The following ATP10B variants were observed in gnomAD, a reference collection of about 807,000 sequenced individuals.
ATP10B encodes phospholipid-transporting ATPase VB.
ATP10B carries 122 observed loss-of-function variants against 141.2 expected under a neutral mutation model. The observed-to-expected ratio is 0.86, with a 90% CI of 0.75 to 1.00. ATP10B has a LOEUF of 1.00. ATP10B is among the 50% of genes least tolerant of loss of function. The probability of loss-of-function intolerance (pLI) is 0.00; values close to 1 mark genes in which losing one functional copy is unlikely to be tolerated. For missense variants in ATP10B, 1,876 were observed against 1,825.3 expected, an observed-to-expected ratio of 1.03 and a Z score of -0.51; for synonymous variants, 685 against 692.0, an observed-to-expected ratio of 0.99 and a Z score of 0.16.
chr5:160,582,713 C>T (rs1755633871), intron 24 of ATP10B, among the ~76,000 whole-genome samples: 1 of 152,198 alleles, frequency 6.6e-6, no homozygotes, highest in East Asian at 1.9e-4. Context: ...CTTTCAGGTA[C>T]ACCAATCAAA....
At chr5:160,772,982 T>G (rs1442097172) in intron 2 of ATP10B, among the ~76,000 whole-genome samples, 4 of 152,186 alleles carry the variant, frequency 2.6e-5, no homozygotes, top group African/African-American at 9.7e-5. Context: ...ACGAAAACTA[T>G]TCTGCTAATT....
intron 6 of ATP10B, among the ~76,000 whole-genome samples, chr5:160,678,054 T>C (rs1763143789): frequency 1.3e-5 from 2 of 152,184 alleles, no homozygotes; most frequent in Non-Finnish European, 2.9e-5. Flanking sequence ...TGTGGGTATG[T>C]TCAAGTGTGC....
chr5:160,742,297 G>A (rs1767532106), intron 2 of ATP10B, among the ~76,000 whole-genome samples: 1 of 151,958 alleles, frequency 6.6e-6, no homozygotes. Flanking sequence ...GCATGCTAAT[G>A]ACATCCCCCC....
In ATP10B at chr5:160,565,528, T is replaced by C. The variant is rs1754478504; in HGVS notation, c.4311A>G (p.Ser1437=). 2 of 1,613,774 alleles carry C rather than the reference T, an allele frequency of 1.2e-6. No homozygotes were observed. The highest frequency in any genetic ancestry group is 2.7e-5 in the African/African-American group (2 of 74,908). ...LLGPNRIMAY[S]RGQTDMCRCS... is the part of the protein sequence containing the mutation. ...ACCGGCACATATCAGTCTGTCCTCT[T>C]GAGTAGGCCATTATCCTGTTAGGTC... The change falls in exon 26 of 26, where the codon TCA becomes TCG. Residue 1437 remains serine (S), a synonymous_variant. Transcript: ENST00000327245.
rs1027316587 is a variant in ATP10B, at chr5:160,686,940, T to G, written c.276-667A>C. 5 of 985,230 alleles carry G rather than the reference T, an allele frequency of 5.1e-6. No individual in the cohort carries two copies. In the African/African-American group the frequency reaches 8.7e-5, roughly 17 times the overall value. 61.0% of individuals were successfully genotyped at this position (985,230 alleles called of 1,614,324 possible). The stretch of plus-strand genomic sequence containing the variant: ...ATTTAAAATGATCTCATACATTATC[T>G]CAAAAGAGTTGCTGATGTTTTCAAG... On this transcript the variant is annotated intron_variant, in intron 5 of 25. Transcript: ENST00000327245.
chr5:160,700,572 A>G lies in ATP10B; in HGVS notation c.-204-11629T>C, dbSNP rs554166121. ...TTGCTAAGTAGCTGCTTCTTTTTTCAGAAATGGAGAACTTTTCATTCCTCT... is the reference window on the plus strand; with the variant it reads ...TTGCTAAGTAGCTGCTTCTTTTTTCGGAAATGGAGAACTTTTCATTCCTCT... On this transcript the variant is annotated intron_variant, in intron 3 of 25. Coordinates refer to ENST00000327245, the MANE Select transcript of ATP10B (RefSeq NM_025153.3). Among the ~76,000 whole-genome samples the G allele has an allele frequency of 2.6e-5, 4 of 152,292 alleles. No homozygotes were observed. The South Asian group carries it at 8.3e-4, about 32-fold the overall frequency.
chr5:160,927,429 C>T, the ATP10B span, among the ~76,000 whole-genome samples: 1 of 152,276 alleles, frequency 6.6e-6, no homozygotes, highest in African/African-American at 2.4e-5. Flanking sequence ...CCATACCTTG[C>T]TGTTTCTTAG....
At chr5:160,809,325 G>GT (rs1335676824) in intron 1 of ATP10B, among the ~76,000 whole-genome samples, 1 of 151,994 alleles carries the variant, frequency 6.6e-6, no homozygotes, top group Non-Finnish European at 1.5e-5. Flanking sequence ...TAAACTGATG[G>GT]TTTTTGTTAT....
intron 2 of ATP10B, among the ~76,000 whole-genome samples, chr5:160,755,188 C>T (rs376671362): frequency 7.7e-4 from 117 of 152,276 alleles, no homozygotes; most frequent in African/African-American, 2.2e-3. Context: ...ACCTTCTTCA[C>T]ATGGTGGCAG....
intron 10 of ATP10B, among the ~76,000 whole-genome samples, chr5:160,639,387 C>T (rs890795527): frequency 6.6e-6 from 1 of 152,228 alleles, no homozygotes; most frequent in South Asian, 2.1e-4. Flanking sequence ...GGTCATAGAT[C>T]TTGAGATGGG....
intron 24 of ATP10B, among the ~76,000 whole-genome samples, chr5:160,575,319 T>C (rs745879826): frequency 4.6e-5 from 7 of 152,200 alleles, no homozygotes; most frequent in Non-Finnish European, 8.8e-5. Flanking sequence ...TTACATTTAG[T>C]TTTCATGTCT....
intron 1 of ATP10B, among the ~76,000 whole-genome samples, chr5:160,821,075 C>T (rs571821121): frequency 2.6e-5 from 4 of 152,198 alleles, no homozygotes; most frequent in Admixed American, 6.6e-5. Flanking sequence ...GTCAAATTAT[C>T]TTTGTTTGCA....
intron 1 of ATP10B, among the ~76,000 whole-genome samples, chr5:160,821,019 C>A (rs1169450165): frequency 6.6e-6 from 1 of 151,836 alleles, no homozygotes; most frequent in East Asian, 1.9e-4. Context: ...CTAGAGCAAT[C>A]AGACAAGGGA....
intron 16 of ATP10B, 76 bp from the exon 17 acceptor site, chr5:160,616,040 G>T: frequency 6.6e-7 from 1 of 1,526,022 alleles, no homozygotes; most frequent in Non-Finnish European, 8.9e-7. Context: ...CCCACCTGCT[G>T]GGTCTCCTAT....
chr5:160,720,905 G>A (rs1219165663), intron 2 of ATP10B, among the ~76,000 whole-genome samples: 1 of 152,174 alleles, frequency 6.6e-6, no homozygotes, highest in Non-Finnish European at 1.5e-5. Context: ...TAAGCCGATT[G>A]CTTTTTCTTA....
intron 1 of ATP10B, among the ~76,000 whole-genome samples, chr5:160,787,597 GAATT>G (rs769658002): frequency 1.0e-3 from 155 of 152,164 alleles, no homozygotes; most frequent in African/African-American, 2.8e-3. Flanking sequence ...TAGAAAATAG[GAATT>G]ATTTATTTAA....
At chr5:160,821,669 A>G (rs1290655535) in intron 1 of ATP10B, among the ~76,000 whole-genome samples, 1 of 152,130 alleles carries the variant, frequency 6.6e-6, no homozygotes, top group Non-Finnish European at 1.5e-5. Context: ...CACATAGATC[A>G]GCAGAGCAGA....
chr5:160,839,514 A>G (rs1038055255), intron 1 of ATP10B, among the ~76,000 whole-genome samples: 4 of 152,196 alleles, frequency 2.6e-5, no homozygotes, highest in Admixed American at 2.0e-4. Flanking sequence ...CACCAAAACA[A>G]AAGCACAAAA....
At chr5:160,910,842 C>T in the ATP10B span, among the ~76,000 whole-genome samples, 1 of 152,142 alleles carries the variant, frequency 6.6e-6, no homozygotes, top group Non-Finnish European at 1.5e-5. Flanking sequence ...TATGGCCCCA[C>T]CAAGTTTCAT....
Sources: allele counts gnomAD v4.1 joint callset (sites outside exome capture counted in the v4.1 genomes callset), GRCh38; gene constraint gnomAD v4.1.1; transcripts MANE v1.5; gene names NCBI Gene and HGNC (gene_info 2026-07-23, HGNC 2026-07-21).